Variants in ARHGAP10 observed in about 807,000 individuals in gnomAD.
ARHGAP10 encodes the protein rho GTPase-activating protein 10.
A neutral mutation model predicts 108.6 loss-of-function variants in ARHGAP10; 87 were observed. The ratio of observed to expected loss-of-function variants is 0.80; its 90% CI spans 0.67 to 0.96. The LOEUF is 0.96. Among genes scored for constraint, ARHGAP10 ranks in the 40% least tolerant of loss-of-function variants. The pLI, the probability that ARHGAP10 is intolerant of heterozygous loss-of-function variation, is 0.00. For missense variants in ARHGAP10, 939 were observed against 954.5 expected, an observed-to-expected ratio of 0.98 and a Z score of 0.21; for synonymous variants, 347 against 341.1, an observed-to-expected ratio of 1.02 and a Z score of -0.19.
At chr4:148,041,340 G>A (rs1728625044) in intron 19 of ARHGAP10, among the ~76,000 whole-genome samples, 1 of 152,194 alleles carries the variant, frequency 6.6e-6, no homozygotes, top group African/African-American at 2.4e-5. Flanking sequence ...GGATTTCAGG[G>A]GGGAACTATC....
At chr4:147,834,987 G>A (rs907366743) in intron 3 of ARHGAP10, among the ~76,000 whole-genome samples, 1 of 152,098 alleles carries the variant, frequency 6.6e-6, no homozygotes, top group Non-Finnish European at 1.5e-5. Flanking sequence ...AAAAGATTCA[G>A]GGTACTTAGC....
At chr4:148,037,164 C>G (rs974158202) in intron 19 of ARHGAP10, among the ~76,000 whole-genome samples, 4 of 152,070 alleles carry the variant, frequency 2.6e-5, no homozygotes, top group African/African-American at 9.7e-5. Flanking sequence ...AAATTTTGGA[C>G]AAAACTGTAA....
chr4:147,753,355 CT>C (rs36025529), intron 1 of ARHGAP10, among the ~76,000 whole-genome samples: 17 of 145,656 alleles, frequency 1.2e-4, no homozygotes, highest in East Asian at 2.0e-4. Flanking sequence ...CTTTTCTTTT[CT>C]TTTTTTTTTT....
At position 147,792,727 on chromosome 4, in the gene ARHGAP10, G is replaced by A. The variant is rs907797322; in HGVS notation, c.155-30000G>A. 1.8e-4 allele frequency among the ~76,000 whole-genome samples: 27 copies of A among 152,178 alleles called. No individual in the cohort carries two copies. In the East Asian group the frequency reaches 4.4e-3, roughly 25 times the overall value. ...TTGGTCTCATTCCTGTTCTTTTGTA[G>A]TGTCTGCTCTGTTTTGCTTATGGGG... On this transcript the variant is annotated intron_variant, in intron 1 of 22. Transcript: ENST00000336498.
rs1243660091 is a variant in ARHGAP10 at position 148,072,039 on chromosome 4, C to A, written c.2319C>A (p.Gly773=). 1.9e-6 allele frequency: 3 copies of A among 1,613,598 alleles called. No individual in the cohort carries two copies. Among genetic ancestry groups the A allele is most frequent in the Non-Finnish European group, 2.5e-6 (3 of 1,179,798 alleles). Residue 773 remains glycine (G), a synonymous_variant, in exon 23 of 23, where the codon GGC becomes GGA. Transcript: ENST00000336498. ...GCTGGCTAGAAGGGACTCTGAACGGCAAGAGGGGGCTGATTCCACAGAACT... is the reference window on the plus strand; with the variant it reads ...GCTGGCTAGAAGGGACTCTGAACGGAAAGAGGGGGCTGATTCCACAGAACT... ...EPGWLEGTLN[G]KRGLIPQNYV... is the part of the protein sequence containing the mutation.
chr4:148,003,954 G>GCCTA (rs1231926473), intron 18 of ARHGAP10, among the ~76,000 whole-genome samples: 2 of 151,408 alleles, frequency 1.3e-5, no homozygotes, highest in South Asian at 2.1e-4. Flanking sequence ...ATTATGCTAA[G>GCCTA]AGACGTGAGA....
intron 18 of ARHGAP10, among the ~76,000 whole-genome samples, chr4:148,001,810 T>G (rs1018897295): frequency 6.6e-6 from 1 of 152,254 alleles, no homozygotes; most frequent in African/African-American, 2.4e-5. Flanking sequence ...AAGGAGATTT[T>G]GGGCTGAGAT....
At chr4:147,932,045 C>CAACA (rs1737715335) in intron 13 of ARHGAP10, among the ~76,000 whole-genome samples, 1 of 151,854 alleles carries the variant, frequency 6.6e-6, no homozygotes, top group African/African-American at 2.4e-5. Context: ...TACATGTGAC[C>CAACA]AACAAACATA....
intron 20 of ARHGAP10, among the ~76,000 whole-genome samples, chr4:148,059,153 T>C (rs1729492410): frequency 6.6e-6 from 1 of 152,242 alleles, no homozygotes; most frequent in Non-Finnish European, 1.5e-5. Context: ...GTGCTGAAGA[T>C]AGAGAAGAAT....
intron 1 of ARHGAP10, among the ~76,000 whole-genome samples, chr4:147,795,451 T>TG: frequency 6.6e-6 from 1 of 152,164 alleles, no homozygotes; most frequent in African/African-American, 2.4e-5. Context: ...GCTCTGCTCT[T>TG]TGGCCTGCTA....
chr4:148,000,737 G>A (rs984726738), intron 18 of ARHGAP10, among the ~76,000 whole-genome samples: 1 of 152,178 alleles, frequency 6.6e-6, no homozygotes, highest in African/African-American at 2.4e-5. Context: ...TTTGAGAAGT[G>A]TCTGTTCGTA....
chr4:147,825,487 C>T (rs1732671785), intron 3 of ARHGAP10, among the ~76,000 whole-genome samples: 1 of 151,998 alleles, frequency 6.6e-6, no homozygotes, highest in Admixed American at 6.6e-5. Context: ...CTCAAAAGCC[C>T]TAATATAATT....
intron 19 of ARHGAP10, among the ~76,000 whole-genome samples, chr4:148,044,123 TGGCA>T (rs1728772034): frequency 6.6e-6 from 1 of 152,120 alleles, no homozygotes; most frequent in Admixed American, 6.5e-5. Flanking sequence ...TGCCACTGTT[TGGCA>T]GGAAGGAAGA....
At chr4:147,981,204 A>T (rs1297529040) in intron 18 of ARHGAP10, among the ~76,000 whole-genome samples, 1 of 152,162 alleles carries the variant, frequency 6.6e-6, no homozygotes, top group East Asian at 1.9e-4. Flanking sequence ...TGTGCAGTAA[A>T]CGTTCCTCTT....
At chr4:147,938,408 CAA>C (rs1479246491) in intron 13 of ARHGAP10, among the ~76,000 whole-genome samples, 1 of 151,864 alleles carries the variant, frequency 6.6e-6, no homozygotes, top group African/African-American at 2.4e-5. Flanking sequence ...TTAAAAAAAG[CAA>C]AGAGAAAAAG....
intron 16 of ARHGAP10, 44 bp from the exon 17 acceptor site, chr4:147,964,980 C>T: frequency 1.5e-6 from 2 of 1,366,846 alleles, no homozygotes; most frequent in Non-Finnish European, 2.0e-6. Context: ...CTATTGTTTT[C>T]TTTTTCTTTA....
intron 3 of ARHGAP10, among the ~76,000 whole-genome samples, chr4:147,833,832 G>A (rs1266665607): frequency 1.3e-5 from 2 of 152,154 alleles, no homozygotes; most frequent in East Asian, 3.9e-4. Context: ...GGTAGAGATT[G>A]TGTTAGATAT....
chr4:147,805,857 T>A (rs17023841), intron 1 of ARHGAP10, among the ~76,000 whole-genome samples: 11,881 of 152,174 alleles, frequency 0.078, 1,003 homozygotes, highest in African/African-American at 0.21. Flanking sequence ...TCATGTAATA[T>A]TGCATACAGT....
At chr4:147,976,924 G>C (rs891665696) in intron 18 of ARHGAP10, among the ~76,000 whole-genome samples, 2 of 152,236 alleles carry the variant, frequency 1.3e-5, no homozygotes, top group African/African-American at 4.8e-5. Context: ...CTGAGTACAA[G>C]TGAGCAGTAC....
Sources: allele counts gnomAD v4.1 joint callset (sites outside exome capture counted in the v4.1 genomes callset), GRCh38; gene constraint gnomAD v4.1.1; transcripts MANE v1.5; gene names NCBI Gene and HGNC (gene_info 2026-07-23, HGNC 2026-07-21).